The following ADPGK variants were observed in gnomAD, a reference collection of about 807,000 sequenced individuals.
ADPGK encodes the protein ADP-dependent glucokinase.
A neutral mutation model predicts 42.4 loss-of-function variants in ADPGK; 26 were observed. The ratio of observed to expected loss-of-function variants is 0.61; its 90% CI spans 0.45 to 0.85. The LOEUF is 0.85. ADPGK is among the 40% of genes least tolerant of loss of function. ADPGK has a pLI of 0.00. For synonymous variants in ADPGK, 267 were observed against 252.6 expected (o/e 1.06, Z -0.54); for missense variants, 571 against 627.0 (o/e 0.91, Z 0.95).
At chr15:72,759,463 G>T (rs2066164494) in intron 4 of ADPGK, among the ~76,000 whole-genome samples, 1 of 152,132 alleles carries the variant, frequency 6.6e-6, no homozygotes, top group South Asian at 2.1e-4. Context: ...ACTGATTCTA[G>T]TAAGCACCCG....
intron 1 of ADPGK, among the ~76,000 whole-genome samples, chr15:72,777,234 T>C (rs2066401740): frequency 6.6e-6 from 1 of 152,186 alleles, no homozygotes; most frequent in African/African-American, 2.4e-5. Context: ...CAGACGCCAG[T>C]AGGTTCCTAA....
intron 6 of ADPGK, among the ~76,000 whole-genome samples, chr15:72,753,289 G>A (rs1440260393): frequency 6.6e-6 from 1 of 152,210 alleles, no homozygotes; most frequent in Non-Finnish European, 1.5e-5. Context: ...CCAGTAAAAT[G>A]GAGACCTCAA....
Position 72,760,545 on chromosome 15 carries a change from G to A in ADPGK, c.523-18C>T, listed in dbSNP as rs373467340. The A allele has an allele frequency of 4.4e-6, 7 of 1,591,488 alleles. No individual in the cohort carries two copies. The highest frequency in any genetic ancestry group is 5.2e-6 in the Non-Finnish European group (6 of 1,162,868). On this transcript the variant is annotated intron_variant, in intron 3 of 6. Transcript: ENST00000456471. Reference sequence around the variant, plus strand: ...AGAAGAACCTGGAGGCAAGCAACACGAAGTCCATCAGGAGCCCCGTTCCTT... The same window carrying A: ...AGAAGAACCTGGAGGCAAGCAACACAAAGTCCATCAGGAGCCCCGTTCCTT...
intron 3 of ADPGK, among the ~76,000 whole-genome samples, chr15:72,765,855 A>G (rs1359403877): frequency 2.0e-5 from 3 of 152,244 alleles, no homozygotes; most frequent in East Asian, 1.9e-4. Context: ...GATGGAATCT[A>G]CTTCTAGTAA....
intron 3 of ADPGK, among the ~76,000 whole-genome samples, chr15:72,767,102 T>C (rs1238804485): frequency 6.6e-6 from 1 of 152,174 alleles, no homozygotes; most frequent in Non-Finnish European, 1.5e-5. Flanking sequence ...CAGAAAAAGA[T>C]ATACCATGCC....
In ADPGK at chr15:72,755,584, C is replaced by T. The variant is rs753590711; in HGVS notation, c.911G>A (p.Arg304Lys). Residue 304 changes from arginine to lysine, a missense_variant, in exon 6 of 7, where the codon AGG becomes AAG. Physicochemically the swap from Arg to Lys is conservative, Grantham distance 26. Around this residue, in one of 2 missense-constraint regions of ADPGK, gnomAD observed 434 missense variants for 522.7 expected, o/e 0.83. Coordinates refer to ENST00000456471, the MANE Select transcript of ADPGK (RefSeq NM_001365225.1). Reference protein sequence around the residue: ...VHLELASMTNRELMSSIVHQQ... With the variant: ...VHLELASMTNKELMSSIVHQQ... ...ATGGACAATGCTGCTCATGAGCTCC[C>T]TGTTAGTCATACTGGCCAGCTCTAG... 6.2e-7 allele frequency: 1 copy of T among 1,614,036 alleles called. No homozygotes were observed. Among genetic ancestry groups the T allele is most frequent in the Non-Finnish European group, 8.5e-7 (1 of 1,179,942 alleles).
chr15:72,783,461 C>G lies in ADPGK; in HGVS notation c.231G>C (p.Val77=), dbSNP rs1264024221. The change falls in exon 1 of 7, where the codon GTG becomes GTC. Residue 77 remains valine, a splice_region_variant and synonymous_variant. Coordinates refer to ENST00000456471, the MANE Select transcript of ADPGK (RefSeq NM_001365225.1). ...RPVRRWRRVA[V]GVNACVDVVL... ...ACCCAGGCCCCGTTGGCACTCACCC[C>G]ACTGCCACGCGGCGCCAGCGCCGGA... The G allele has an allele frequency of 3.6e-6, 5 of 1,384,156 alleles. No homozygotes were observed. The South Asian group carries it at 8.2e-5, about 23-fold the overall frequency. The allele number at this position is 1,384,156 out of a possible 1,614,324, so 85.7% of individuals were successfully genotyped here. A position where few individuals can be genotyped will look rare whatever the true frequency, so the allele number is the denominator to read the frequency against.
chr15:72,763,040 G>T (rs1244465958), intron 3 of ADPGK, among the ~76,000 whole-genome samples: 1 of 152,154 alleles, frequency 6.6e-6, no homozygotes, highest in African/African-American at 2.4e-5. Context: ...TACTGTAAAA[G>T]AATTTCCAGG....
At chr15:72,756,790 A>G (rs536650098) in intron 4 of ADPGK, 4 of 327,174 alleles carry the variant, frequency 1.2e-5, no homozygotes, top group Non-Finnish European at 2.3e-5. Context: ...ACCAGCATAC[A>G]GTGTGCAGCA....
rs763964371 is a variant in ADPGK, at chr15:72,783,537, G to T, written c.155C>A (p.Ser52Tyr). The change falls in exon 1 of 7, where the codon TCC (serine) becomes TAC (tyrosine). Residue 52 changes from serine (S) to tyrosine (Y), a missense_variant. By Grantham distance (144) the Ser-to-Tyr change is moderately radical. Transcript: ENST00000456471. Reference protein sequence around the residue: ...GPAPAPPGPVSPEGRLAAAWD... With the variant: ...GPAPAPPGPVYPEGRLAAAWD... ...GGCTGCCGCCAACCGGCCCTCGGGG[G>T]AGACGGGTCCCGGGGGCGCAGGCGC... 30 of 1,490,606 alleles carry T rather than the reference G, an allele frequency of 2.0e-5. No homozygotes were observed. Among genetic ancestry groups the T allele is most frequent in the Non-Finnish European group, 2.4e-5 (27 of 1,127,258 alleles). The allele number at this position is 1,490,606 out of a possible 1,614,324, so 92.3% of individuals were successfully genotyped here. A position where few individuals can be genotyped will look rare whatever the true frequency, so the allele number is the denominator to read the frequency against.
chr15:72,761,855 C>T (rs2066198956), intron 3 of ADPGK, among the ~76,000 whole-genome samples: 1 of 151,602 alleles, frequency 6.6e-6, no homozygotes, highest in Admixed American at 6.6e-5. Flanking sequence ...TAAGCCACAC[C>T]ACCTGGCTAA....
intron 3 of ADPGK, among the ~76,000 whole-genome samples, chr15:72,768,746 C>T (rs770191276): frequency 6.6e-5 from 10 of 151,860 alleles, no homozygotes; most frequent in Admixed American, 1.3e-4. Context: ...CTAAGGCAGG[C>T]GGATCGCTTG....
chr15:72,774,120 G>C (rs2066360815), intron 2 of ADPGK, among the ~76,000 whole-genome samples: 1 of 152,214 alleles, frequency 6.6e-6, no homozygotes, highest in Non-Finnish European at 1.5e-5. Context: ...TGGGATTACA[G>C]GCGTGAGCCA....
At position 72,783,687 on chromosome 15, in the gene ADPGK, G is replaced by A. The variant is rs1220044757; in HGVS notation, c.5C>T (p.Ala2Val). 4 of 1,481,824 alleles carry A rather than the reference G, an allele frequency of 2.7e-6. No individual in the cohort carries two copies. The highest frequency in any genetic ancestry group is 3.6e-6 in the Non-Finnish European group (4 of 1,122,846). 91.8% of individuals were successfully genotyped at this position (1,481,824 alleles called of 1,614,324 possible). A position where few individuals can be genotyped will look rare whatever the true frequency, so the allele number is the denominator to read the frequency against. Residue 2 changes from alanine (A) to valine (V), a missense_variant, in exon 1 of 7, where the codon GCG becomes GTG. Ala to Val is a moderately conservative substitution (Grantham distance 64). Transcript: ENST00000456471. M[A>V]LWRGSAYAGF... ...CGCGTACGCGGAGCCGCGCCACAGC[G>A]CCATGGGGACCCAGGCGCCGCACCT... is the stretch of plus-strand genomic sequence containing the variant.
At chr15:72,762,901 T>C (rs1048267440) in intron 3 of ADPGK, among the ~76,000 whole-genome samples, 2 of 152,106 alleles carry the variant, frequency 1.3e-5, no homozygotes, top group Non-Finnish European at 1.5e-5. Flanking sequence ...GGAGAATCAC[T>C]TGAACCTGGG....
chr15:72,755,798 C>T (rs909469708), intron 5 of ADPGK, 144 bp from the exon 6 acceptor site: 8 of 663,420 alleles, frequency 1.2e-5, no homozygotes, highest in Middle Eastern at 4.9e-4. Context: ...AATGTGGGTC[C>T]CCACCACCTC....
chr15:72,781,760 T>C (rs530897712), intron 1 of ADPGK, among the ~76,000 whole-genome samples: 1 of 152,204 alleles, frequency 6.6e-6, no homozygotes, highest in East Asian at 1.9e-4. Context: ...TTGTTATGGA[T>C]TGAATTGTCC....
chr15:72,760,367 C>A, intron 4 of ADPGK, 40 bp downstream of exon 4: 1 of 1,564,558 alleles, frequency 6.4e-7, no homozygotes, highest in South Asian at 1.2e-5. Flanking sequence ...TACACAGCCC[C>A]TTGACTGGTC....
chr15:72,783,034 T>G, intron 1 of ADPGK: 2 of 213,856 alleles, frequency 9.4e-6, no homozygotes, highest in Non-Finnish European at 1.6e-5. Context: ...TACACGGCGT[T>G]TCGAAAGTGG....
Sources: allele counts gnomAD v4.1 joint callset (sites outside exome capture counted in the v4.1 genomes callset), GRCh38; gene constraint gnomAD v4.1.1; regional missense constraint gnomAD v4.1.1; transcripts MANE v1.5; gene names NCBI Gene and HGNC (gene_info 2026-07-23, HGNC 2026-07-21).